The following GTF2H3 variants were observed in gnomAD, a reference collection of about 807,000 sequenced individuals.
GTF2H3 encodes the protein TFIIH basal transcription factor complex p34 subunit.
Under a neutral mutation model 51.1 loss-of-function variants are expected in GTF2H3, and 42 were observed. The ratio of observed to expected loss-of-function variants is 0.82; its 90% CI spans 0.64 to 1.06. The LOEUF is 1.06. Among genes scored for constraint, GTF2H3 ranks in the 50% least tolerant of loss-of-function variants. The pLI is 0.00. For synonymous variants in GTF2H3, 123 were observed against 123.8 expected (o/e 0.99, Z 0.04); for missense variants, 326 against 366.1 (o/e 0.89, Z 0.89).
chr12:123,654,275 TG>T (rs545537004), intron 7 of GTF2H3, among the ~76,000 whole-genome samples: 51 of 110,582 alleles, frequency 4.6e-4, no homozygotes, highest in Admixed American at 8.6e-4. Context: ...GGGTGTATTT[TG>T]GGGGGTATGT....
chr12:123,652,679 AT>A lies in GTF2H3; in HGVS notation c.458-21del, dbSNP rs752074593. ...TATATGATTAGTAAGATTTAGTTAA[AT>A]TTTTTTCTGCTTTTTTCTCTTTGTA... On this transcript the variant is annotated intron_variant, in intron 6 of 12. Transcript: ENST00000543341. 1.4e-5 allele frequency: 21 copies of A among 1,543,794 alleles called. No homozygotes were observed. The African/African-American group carries it at 2.5e-4, about 18-fold the overall frequency.
chr12:123,642,520 A>C (rs1955392094), intron 2 of GTF2H3, among the ~76,000 whole-genome samples: 1 of 152,206 alleles, frequency 6.6e-6, no homozygotes, highest in Non-Finnish European at 1.5e-5. Flanking sequence ...GTACACATGT[A>C]CCAGAAGTTA....
chr12:123,660,126 T>C (rs763136914), intron 12 of GTF2H3, 40 bp from the exon 13 acceptor site: 91 of 1,608,942 alleles, frequency 5.7e-5, no homozygotes, highest in African/African-American at 1.3e-4. Context: ...ACTTCACAGC[T>C]CTAGAACATT....
At position 123,660,944 on chromosome 12, in the gene GTF2H3, A is replaced by G. The variant is rs1008535423; in HGVS notation, c.*709A>G. Reference sequence around the variant, plus strand: ...TTTGAGGGAGAACTTACTGGAGAAAATGGACTCTATGTTAAGTATGGTTTT... The same window carrying G: ...TTTGAGGGAGAACTTACTGGAGAAAGTGGACTCTATGTTAAGTATGGTTTT... On this transcript the variant is annotated 3_prime_UTR_variant, in exon 13 of 13. Transcript: ENST00000543341. 3 of 152,156 alleles carry G rather than the reference A, an allele frequency of 2.0e-5. No homozygotes were observed. The highest frequency in any genetic ancestry group is 7.2e-5 in the African/African-American group (3 of 41,426). 9.4% of individuals were successfully genotyped at this position (152,156 alleles called of 1,614,324 possible).
chr12:123,645,391 C>A, intron 2 of GTF2H3, 64 bp from the exon 3 acceptor site: 1 of 885,526 alleles, frequency 1.1e-6, no homozygotes, highest in South Asian at 1.4e-5. Flanking sequence ...TTAATTATGT[C>A]AAGACCTGAC....
rs901470288 is a variant in GTF2H3, at chr12:123,662,521, G to A, written c.*2286G>A. ...TTATTTGAAATATCTTATATATTTG[G>A]TTAGTTCTGTTTAACTTGTTTTTAA... On this transcript the variant is annotated 3_prime_UTR_variant, in exon 13 of 13. Transcript: ENST00000543341. The A allele has an allele frequency of 3.9e-5, 6 of 152,132 alleles. No individual in the cohort carries two copies. The highest frequency in any genetic ancestry group is 1.4e-4 in the African/African-American group (6 of 41,518). 9.4% of individuals were successfully genotyped at this position (152,132 alleles called of 1,614,324 possible). A position where few individuals can be genotyped will look rare whatever the true frequency, so the allele number is the denominator to read the frequency against.
chr12:123,661,161 T>C lies in GTF2H3; in HGVS notation c.*926T>C, dbSNP rs1486975148. The C allele has an allele frequency of 6.6e-6, 1 of 152,172 alleles. No individual in the cohort carries two copies. Among genetic ancestry groups the C allele is most frequent in the Non-Finnish European group, 1.5e-5 (1 of 68,032 alleles). The allele number at this position is 152,172 out of a possible 1,614,324, so 9.4% of individuals were successfully genotyped here. A position where few individuals can be genotyped will look rare whatever the true frequency, so the allele number is the denominator to read the frequency against. ...TTAAATGTATTTATTAAAACTGTTC[T>C]CTAGAAGCTTTGGACTGAATCCCAA... On this transcript the variant is annotated 3_prime_UTR_variant, in exon 13 of 13. Transcript: ENST00000543341.
chr12:123,638,336 T>G (rs1167330651), intron 1 of GTF2H3, among the ~76,000 whole-genome samples: 14 of 151,830 alleles, frequency 9.2e-5, no homozygotes, highest in Non-Finnish European at 5.9e-5. Flanking sequence ...TTTTTTTTTT[T>G]TTTTGTATTT....
Position 123,645,580 on chromosome 12 carries a change from C to T in GTF2H3, c.200+19C>T, listed in dbSNP as rs1328039825. The T allele has an allele frequency of 7.8e-7, 1 of 1,286,890 alleles. No homozygotes were observed. The highest frequency in any genetic ancestry group is 1.7e-5 in the Admixed American group (1 of 59,256). 79.7% of individuals were successfully genotyped at this position (1,286,890 alleles called of 1,614,324 possible). ...AAGAAAGGTATGACCATTGTGATTGCTTTTGCTCTTCAGTGCTTAATATTC... is the reference window on the plus strand; with the variant it reads ...AAGAAAGGTATGACCATTGTGATTGTTTTTGCTCTTCAGTGCTTAATATTC... On this transcript the variant is annotated intron_variant, in intron 3 of 12. Coordinates refer to ENST00000543341, the MANE Select transcript of GTF2H3 (RefSeq NM_001516.5).
At chr12:123,647,078 G>A (rs974771682) in intron 3 of GTF2H3, among the ~76,000 whole-genome samples, 6 of 151,460 alleles carry the variant, frequency 4.0e-5, no homozygotes, top group Non-Finnish European at 7.4e-5. Context: ...TCGTGAACCC[G>A]GGAGGTGGAG....
Position 123,651,286 on chromosome 12 carries a change from C to T in GTF2H3, c.427+230C>T, listed in dbSNP as rs1163506212. On this transcript the variant is annotated intron_variant, in intron 5 of 12. Coordinates refer to ENST00000543341, the MANE Select transcript of GTF2H3 (RefSeq NM_001516.5). ...AGTGCAGTGGCACAATCTCGGCTCA[C>T]TGCAACCTTCGCCTCCCAGATTCAA... 7 of 342,024 alleles carry T rather than the reference C, an allele frequency of 2.0e-5. No individual in the cohort carries two copies. The Admixed American group carries it at 3.1e-4, about 15-fold the overall frequency. The allele number at this position is 342,024 out of a possible 1,614,324, so 21.2% of individuals were successfully genotyped here.
At chr12:123,655,560 G>A in intron 8 of GTF2H3, 1 of 479,226 alleles carries the variant, frequency 2.1e-6, no homozygotes. Flanking sequence ...TGCCGAGTGG[G>A]GTGACAGCTT....
At chr12:123,656,020 T>A (rs1290279716) in intron 9 of GTF2H3, 196 bp downstream of exon 9, 2 of 456,396 alleles carry the variant, frequency 4.4e-6, no homozygotes, top group Non-Finnish European at 7.8e-6. Flanking sequence ...TGCGTTATAT[T>A]TCCGTTGGGC....
At chr12:123,639,653 T>C (rs899219314) in intron 2 of GTF2H3, among the ~76,000 whole-genome samples, 2 of 152,218 alleles carry the variant, frequency 1.3e-5, no homozygotes, top group Non-Finnish European at 2.9e-5. Flanking sequence ...GGACATTTCA[T>C]GTATTGATTT....
chr12:123,653,662 A>G (rs76261025), intron 7 of GTF2H3, among the ~76,000 whole-genome samples: 14 of 151,548 alleles, frequency 9.2e-5, no homozygotes, highest in Admixed American at 7.2e-4. Flanking sequence ...AAAAAAAAAA[A>G]GAAGTGCCAA....
At chr12:123,647,379 C>T (rs188000628) in intron 3 of GTF2H3, among the ~76,000 whole-genome samples, 246 of 145,986 alleles carry the variant, frequency 1.7e-3, no homozygotes, top group Non-Finnish European at 3.0e-3. Context: ...GGCTGAGGCA[C>T]GAGAATCACT....
intron 2 of GTF2H3, among the ~76,000 whole-genome samples, chr12:123,639,634 C>T (rs552496609): frequency 2.0e-4 from 30 of 152,272 alleles, no homozygotes; most frequent in African/African-American, 7.2e-4. Context: ...TCTCTAAATT[C>T]CCTTTTCTGG....
At chr12:123,636,061 A>G (rs1040872393) in intron 1 of GTF2H3, among the ~76,000 whole-genome samples, 1 of 152,246 alleles carries the variant, frequency 6.6e-6, no homozygotes, top group Non-Finnish European at 1.5e-5. Context: ...AATATTGATT[A>G]TGAGATGTGC....
chr12:123,653,332 GT>G (rs796585724), intron 7 of GTF2H3, among the ~76,000 whole-genome samples: 32 of 146,474 alleles, frequency 2.2e-4, no homozygotes, highest in Middle Eastern at 7.2e-3. Context: ...TATCAGGGAG[GT>G]TTTTTTTTTT....
Sources: gnomAD v4.1 joint callset for allele counts (sites outside exome capture counted in the v4.1 genomes callset) on GRCh38, gnomAD v4.1.1 for gene constraint, MANE v1.5 for transcripts, NCBI Gene and HGNC (gene_info 2026-07-23, HGNC 2026-07-21) for gene names.